The following DLGAP4 variants were observed in gnomAD, a reference collection of about 807,000 sequenced individuals.
DLGAP4 encodes the protein disks large-associated protein 4.
In DLGAP4, 18 loss-of-function variants were observed where a neutral mutation model predicts 86.9. The observed-to-expected ratio is 0.21, with a 90% CI of 0.14 to 0.31. The LOEUF (loss-of-function observed/expected upper bound fraction) is 0.31, where lower values mean the gene tolerates loss of function less well. Ranked by LOEUF, DLGAP4 falls within the 10% of genes least tolerant of loss-of-function variation. The pLI is 1.00. For synonymous variants in DLGAP4, 548 were observed against 574.3 expected, an observed-to-expected ratio of 0.95 and a Z score of 0.65; for missense variants, 1,085 against 1,362.6, an observed-to-expected ratio of 0.80 and a Z score of 3.21.
In DLGAP4 at chr20:36,525,952, C is replaced by A. The variant is rs746577914; in HGVS notation, c.2706C>A (p.Leu902=). The stretch of plus-strand genomic sequence containing the variant: ...ATATCAGCATGAAGTTCGATGAACT[C>A]TACCACCTCAAGGCCAACAGCTGGC... ...IEDISMKFDE[L]YHLKANSWQL... is the part of the protein sequence containing the mutation. The change falls in exon 12 of 13, where the codon CTC becomes CTA. Residue 902 remains leucine (L), a synonymous_variant. Coordinates refer to ENST00000339266, the MANE Select transcript of DLGAP4 (RefSeq NM_001365621.2). The A allele has an allele frequency of 2.0e-5, 32 of 1,614,016 alleles. No individual in the cohort carries two copies. Among genetic ancestry groups the A allele is most frequent in the Non-Finnish European group, 2.5e-5 (30 of 1,180,002 alleles).
intron 2 of DLGAP4, among the ~76,000 whole-genome samples, chr20:36,426,283 G>A (rs1165988294): frequency 6.6e-6 from 1 of 152,212 alleles, no homozygotes; most frequent in African/African-American, 2.4e-5. Flanking sequence ...GGGAGGCCAA[G>A]GCAGGCATTT....
rs2037820634 is a variant in DLGAP4, at chr20:36,527,130, G to A, written c.*99G>A. 2.3e-6 allele frequency: 3 copies of A among 1,287,628 alleles called. No homozygotes were observed. Among genetic ancestry groups the A allele is most frequent in the East Asian group, 5.1e-5 (2 of 39,168 alleles). 79.8% of individuals were successfully genotyped at this position (1,287,628 alleles called of 1,614,324 possible). A position where few individuals can be genotyped will look rare whatever the true frequency, so the allele number is the denominator to read the frequency against. On this transcript the variant is annotated 3_prime_UTR_variant, in exon 13 of 13. Coordinates refer to ENST00000339266, the MANE Select transcript of DLGAP4 (RefSeq NM_001365621.2). ...TCTCAACCTTTGCTATGGTTATTCTGTCTAGAGACCCTGAGCCAACTTTCA... is the reference window on the plus strand; with the variant it reads ...TCTCAACCTTTGCTATGGTTATTCTATCTAGAGACCCTGAGCCAACTTTCA...
intron 3 of DLGAP4, among the ~76,000 whole-genome samples, chr20:36,433,286 G>A (rs969210563): frequency 1.3e-5 from 2 of 152,268 alleles, no homozygotes; most frequent in African/African-American, 2.4e-5. Context: ...TCGGCAGAGT[G>A]TGATGGGGAT....
rs35909803 is a variant in DLGAP4 at position 36,438,703 on chromosome 20, CTTTTTTTTT to C, written c.1242-1036_1242-1028del. Among the ~76,000 whole-genome samples, 3 of 69,552 alleles carry C rather than the reference CTTTTTTTTT, an allele frequency of 4.3e-5. No individual in the cohort carries two copies. The South Asian group carries it at 1.5e-3, about 36-fold the overall frequency. The allele number at this position is 69,552 out of a possible 152,430, so 45.6% of individuals were successfully genotyped here. ...CACCACGCCTGGTCAGTTTCCCCAT[CTTTTTTTTT>C]TTTTTTTTTTTTTTGAGACAGAGTC... On this transcript the variant is annotated intron_variant, in intron 4 of 12. Coordinates refer to ENST00000339266, the MANE Select transcript of DLGAP4 (RefSeq NM_001365621.2).
Position 36,500,182 on chromosome 20 carries a change from C to T in DLGAP4, c.2100-17C>T. 7.4e-7 allele frequency: 1 copy of T among 1,351,856 alleles called. No homozygotes were observed. Among genetic ancestry groups the T allele is most frequent in the Non-Finnish European group, 1.0e-6 (1 of 996,386 alleles). 83.7% of individuals were successfully genotyped at this position (1,351,856 alleles called of 1,614,324 possible). ...TCACTCCTTCCTGTCCCCACCCCAT[C>T]CACCCCCTACCCACAGAAGCAGCGT... On this transcript the variant is annotated splice_polypyrimidine_tract_variant and intron_variant, in intron 9 of 12. Coordinates refer to ENST00000339266, the MANE Select transcript of DLGAP4 (RefSeq NM_001365621.2). This position sits in a 1 kb window ranked among gnomAD's most constrained non-coding sequence, Gnocchi z 4.6.
intron 10 of DLGAP4, chr20:36,512,803 A>ATGGGCAAGTGC (rs1039037177): frequency 2.0e-5 from 3 of 152,078 alleles, no homozygotes; most frequent in Non-Finnish European, 2.9e-5. Flanking sequence ...CACCTGACTG[A>ATGGGCAAGTGC]TGGGCAAGTG....
rs374632426 is a variant in DLGAP4 at position 36,307,191 on chromosome 20, T to TG, written c.-304+686dup. Among the ~76,000 whole-genome samples the TG allele has an allele frequency of 4.2e-3, 639 of 152,108 alleles. 6 individuals carry two copies. The highest frequency in any genetic ancestry group is 0.014 in the African/African-American group (594 of 41,516). On this transcript the variant is annotated intron_variant, in intron 1 of 12. Coordinates refer to ENST00000339266, the MANE Select transcript of DLGAP4 (RefSeq NM_001365621.2). The stretch of plus-strand genomic sequence containing the variant: ...GCTGGGCTGACCCGGGCACCTGGGC[T>TG]GGGGGGGCACTCACATGGCTACCGG...
At chr20:36,467,063 T>TCTCCCC (rs1569509700) in intron 7 of DLGAP4, among the ~76,000 whole-genome samples, 24 of 39,382 alleles carry the variant, frequency 6.1e-4, no homozygotes, top group African/African-American at 2.9e-3. Flanking sequence ...TCTCTCTCTC[T>TCTCCCC]CCCCCCCCCT....
Position 36,446,758 on chromosome 20 carries a change from C to G in DLGAP4, c.1469C>G (p.Ala490Gly), listed in dbSNP as rs769056622. 6 of 1,612,930 alleles carry G rather than the reference C, an allele frequency of 3.7e-6. No homozygotes were observed. The highest frequency in any genetic ancestry group is 5.1e-6 in the Non-Finnish European group (6 of 1,179,804). ...GCCTGCGAGTCAGCCTGCAGTGAAG[C>G]GGAGTCCACAGCGGCAGAGACGCTT... ...EAACESACSEAESTAAETLDL... is the reference protein window; with the variant it reads ...EAACESACSEGESTAAETLDL... The change falls in exon 7 of 13, where the codon GCG becomes GGG. Residue 490 changes from alanine to glycine, a missense_variant. This residue lies in a region of DLGAP4 where 1,082 missense variants were observed against 1,344.1 expected (regional missense o/e 0.81). Transcript: ENST00000339266.
At chr20:36,402,039 T>G (rs1036242931) in intron 2 of DLGAP4, among the ~76,000 whole-genome samples, 2 of 152,130 alleles carry the variant, frequency 1.3e-5, no homozygotes, top group Non-Finnish European at 2.9e-5. Context: ...TGTCAGTTCA[T>G]GCTACATCTG....
chr20:36,500,243 A>G lies in DLGAP4; in HGVS notation c.2144A>G (p.Asp715Gly), dbSNP rs780914725. The G allele has an allele frequency of 1.2e-6, 2 of 1,603,696 alleles. No homozygotes were observed. The highest frequency in any genetic ancestry group is 2.7e-5 in the African/African-American group (2 of 74,354). ...SHSMSSRRDT[D>G]SDTQDANDSS... Reference sequence around the variant, plus strand: ...AGTATGTCCTCCCGACGGGACACAGACTCGGATACCCAGGATGCCAATGAC... The same window carrying G: ...AGTATGTCCTCCCGACGGGACACAGGCTCGGATACCCAGGATGCCAATGAC... Residue 715 changes from aspartate to glycine, a missense_variant, in exon 10 of 13, where the codon GAC (aspartate) becomes GGC (glycine). Physicochemically the swap from Asp to Gly is moderately conservative, Grantham distance 94 (BLOSUM62 -1). Transcript: ENST00000339266. The surrounding 1 kb of genome is among the most constrained non-coding windows in gnomAD (Gnocchi z 4.6).
rs2033128814 is a variant in DLGAP4, at chr20:36,431,498, C to T, written c.-72-148C>T. The T allele has an allele frequency of 1.8e-6, 1 of 549,922 alleles. No individual in the cohort carries two copies. Among genetic ancestry groups the T allele is most frequent in the Non-Finnish European group, 3.2e-6 (1 of 316,136 alleles). 34.1% of individuals were successfully genotyped at this position (549,922 alleles called of 1,614,324 possible). ...TTATTTATACACAGAGTACGTGGGC[C>T]TCGGTGTGTACTCCTGTCCTCAGGC... On this transcript the variant is annotated intron_variant, in intron 2 of 12. Transcript: ENST00000339266. This position sits in a 1 kb window ranked among gnomAD's most constrained non-coding sequence, Gnocchi z 5.1.
Position 36,436,157 on chromosome 20 carries a change from G to C in DLGAP4, c.1048G>C (p.Glu350Gln), listed in dbSNP as rs1325178914. The change falls in exon 4 of 13, where the codon GAG (glutamate) becomes CAG (glutamine). Residue 350 changes from glutamate (E) to glutamine (Q), a missense_variant. Around this residue, in one of 2 missense-constraint regions of DLGAP4, gnomAD observed 1,082 missense variants for 1,344.1 expected, o/e 0.81. Coordinates refer to ENST00000339266, the MANE Select transcript of DLGAP4 (RefSeq NM_001365621.2). ...GAGCACCACGCTGCTGTCCCCACGC[G>C]AGACGGATGCCGCGGCCGAGGGCCC... ...EWSTTLLSPR[E>Q]TDAAAEGPIP... The C allele has an allele frequency of 6.3e-7, 1 of 1,595,928 alleles. No homozygotes were observed. Among genetic ancestry groups the C allele is most frequent in the African/African-American group, 1.3e-5 (1 of 74,750 alleles).
intron 2 of DLGAP4, among the ~76,000 whole-genome samples, chr20:36,413,715 G>A (rs139287877): frequency 1.8e-3 from 281 of 152,134 alleles, no homozygotes; most frequent in African/African-American, 6.2e-3. Context: ...CACCGCGCCC[G>A]GCCTATTCTG....
intron 7 of DLGAP4, among the ~76,000 whole-genome samples, chr20:36,471,717 G>A (rs1455432811): frequency 6.6e-6 from 1 of 152,212 alleles, no homozygotes; most frequent in Non-Finnish European, 1.5e-5. Context: ...GGGCATGCCA[G>A]GGTCAGCAGA....
At chr20:36,407,545 A>G (rs186327711) in intron 2 of DLGAP4, among the ~76,000 whole-genome samples, 286 of 152,246 alleles carry the variant, frequency 1.9e-3, no homozygotes, top group Admixed American at 4.8e-3. Context: ...AGCACCATGT[A>G]GCCCTGAGAG....
intron 10 of DLGAP4, among the ~76,000 whole-genome samples, chr20:36,522,664 A>G (rs1431143034): frequency 1.3e-5 from 2 of 152,158 alleles, no homozygotes. Context: ...GATTACAGGC[A>G]TGGGCCACCA....
At chr20:36,511,718 T>C (rs1207699234) in intron 10 of DLGAP4, among the ~76,000 whole-genome samples, 1 of 151,390 alleles carries the variant, frequency 6.6e-6, no homozygotes, top group Non-Finnish European at 1.5e-5. Context: ...CTACTAAAAA[T>C]ACAAAAATCA....
intron 7 of DLGAP4, among the ~76,000 whole-genome samples, chr20:36,467,331 G>A (rs891404087): frequency 4.6e-5 from 7 of 152,184 alleles, no homozygotes; most frequent in African/African-American, 1.4e-4. Flanking sequence ...GGGTGGTGCC[G>A]ACATTCCAGG....
Sources: gnomAD v4.1 joint callset for allele counts (sites outside exome capture counted in the v4.1 genomes callset) on GRCh38, gnomAD v4.1.1 for gene constraint, gnomAD v4.1.1 regional missense constraint, Gnocchi (gnomAD v3.1) non-coding constraint, MANE v1.5 for transcripts, NCBI Gene and HGNC (gene_info 2026-07-23, HGNC 2026-07-21) for gene names.